Variants in SPOP observed in about 807,000 individuals in gnomAD.
The protein encoded by SPOP is speckle-type POZ protein.
A neutral mutation model predicts 45.6 loss-of-function variants in SPOP; 11 were observed. The ratio of observed to expected loss-of-function variants is 0.24; its 90% CI spans 0.15 to 0.40. The LOEUF (loss-of-function observed/expected upper bound fraction) is 0.40, where lower values mean the gene tolerates loss of function less well. SPOP is among the 10% of genes least tolerant of loss of function. The pLI is 1.00. For synonymous variants in SPOP, 166 were observed against 166.3 expected, an observed-to-expected ratio of 1.00 and a Z score of 0.01; for missense variants, 152 against 465.6, an observed-to-expected ratio of 0.33 and a Z score of 6.20.
At chr17:49,645,355 A>T (rs993585641) in intron 1 of SPOP, among the ~76,000 whole-genome samples, 3 of 151,662 alleles carry the variant, frequency 2.0e-5, no homozygotes, top group South Asian at 2.1e-4. Flanking sequence ...GCTGGAGTAC[A>T]GTGATTCGAT....
At chr17:49,612,978 A>T (rs2072007099) in intron 5 of SPOP, 1 of 152,246 alleles carries the variant, frequency 6.6e-6, no homozygotes, top group Non-Finnish European at 1.5e-5. Context: ...CAGGTCAAGA[A>T]ATTTATTCAT....
intron 1 of SPOP, among the ~76,000 whole-genome samples, chr17:49,660,501 G>T (rs1281862135): frequency 3.3e-5 from 5 of 151,846 alleles, no homozygotes; most frequent in Non-Finnish European, 7.4e-5. Context: ...TATTTATCTT[G>T]TTTGCTGCCT....
intron 6 of SPOP, among the ~76,000 whole-genome samples, chr17:49,609,335 T>C (rs1567771870): frequency 1.3e-5 from 2 of 152,176 alleles, no homozygotes; most frequent in Admixed American, 1.3e-4. Context: ...TTACAGACCA[T>C]AGAGAACTAA....
Position 49,619,011 on chromosome 17 carries a change from G to C in SPOP, c.450C>G (p.Leu150=), listed in dbSNP as rs1441922674. 6.2e-7 allele frequency: 1 copy of C among 1,614,080 alleles called. No individual in the cohort carries two copies. Among genetic ancestry groups the C allele is most frequent in the East Asian group, 2.2e-5 (1 of 44,888 alleles). The change falls in exon 5 of 10, where the codon CTC becomes CTG. Residue 150 remains leucine (L), a synonymous_variant. Transcript: ENST00000504102. This position sits in a 1 kb window ranked among gnomAD's most constrained non-coding sequence, Gnocchi z 4.9. The stretch of plus-strand genomic sequence containing the variant: ...AGAAGAGGGTAAGCTTGTCATCAGG[G>C]AGAAGCCCGTTGGCCTCATCCAAAA... ...DFLLDEANGL[L]PDDKLTLFCE...
rs1436380449 is a variant in SPOP at position 49,600,181 on chromosome 17, T to G, written c.*197A>C. 1.8e-5 allele frequency: 13 copies of G among 717,806 alleles called. No homozygotes were observed. Among genetic ancestry groups the G allele is most frequent in the Non-Finnish European group, 2.8e-5 (12 of 429,740 alleles). 44.5% of individuals were successfully genotyped at this position (717,806 alleles called of 1,614,324 possible). On this transcript the variant is annotated 3_prime_UTR_variant, in exon 10 of 10. Transcript: ENST00000504102. The surrounding 1 kb of genome is among the most constrained non-coding windows in gnomAD (Gnocchi z 4.2). Reference sequence around the variant, plus strand: ...GGAACACAGTGACGCAGCAACAGGGTTTTCATTTCATTTTCCCTCCCCCCG... The same window carrying G: ...GGAACACAGTGACGCAGCAACAGGGGTTTCATTTCATTTTCCCTCCCCCCG...
chr17:49,641,753 G>A (rs1410746138), intron 1 of SPOP, among the ~76,000 whole-genome samples: 2 of 152,126 alleles, frequency 1.3e-5, no homozygotes, highest in Non-Finnish European at 2.9e-5. Flanking sequence ...CAGGCACGGT[G>A]GCTCACGCCT....
chr17:49,629,914 C>A (rs2072417922), intron 1 of SPOP, among the ~76,000 whole-genome samples: 1 of 152,108 alleles, frequency 6.6e-6, no homozygotes, highest in Non-Finnish European at 1.5e-5. Context: ...TAGATTGAAT[C>A]ATGAAACTGT....
chr17:49,621,349 G>A (rs1410063159), intron 3 of SPOP, among the ~76,000 whole-genome samples: 8 of 152,212 alleles, frequency 5.3e-5, no homozygotes. Context: ...CAAGAGCGTG[G>A]AGAACAGGGC....
In SPOP at chr17:49,611,304, G is replaced by A; in HGVS notation, c.634C>T (p.Gln212Ter). ...CCTGCTAAGATAGCCTTGTGAGCCT[G>A]GAATTCCTGGCCGGCAACACACAAG... is the stretch of plus-strand genomic sequence containing the variant. Reference protein sequence around the residue: ...CCLCVAGQEFQAHKAILAARS... With the variant: ...CCLCVAGQEF Residue 212 changes from glutamine to a stop codon, truncating the protein, a stop_gained, in exon 6 of 10, where the codon CAG (glutamine) becomes TAG (stop). Coordinates refer to ENST00000504102, the MANE Select transcript of SPOP (RefSeq NM_001007228.2). LOFTEE classifies it high-confidence loss of function. 6.2e-7 allele frequency: 1 copy of A among 1,614,074 alleles called. No individual in the cohort carries two copies. The highest frequency in any genetic ancestry group is 8.5e-7 in the Non-Finnish European group (1 of 1,179,978).
intron 5 of SPOP, chr17:49,618,669 G>T (rs538791001): frequency 2.4e-5 from 11 of 458,726 alleles, no homozygotes; most frequent in Admixed American, 6.1e-5. Context: ...AGCTTGATGT[G>T]ACAGTCCTTT....
intron 5 of SPOP, among the ~76,000 whole-genome samples, chr17:49,614,802 AGTGT>A (rs60134980): frequency 0.27 from 39,332 of 146,786 alleles, 5,426 homozygotes; most frequent in East Asian, 0.52. Flanking sequence ...CATGCTATGA[AGTGT>A]GTGTGTGTGT....
intron 1 of SPOP, among the ~76,000 whole-genome samples, chr17:49,659,489 C>T (rs762262526): frequency 3.3e-5 from 5 of 152,180 alleles, no homozygotes; most frequent in Admixed American, 6.5e-5. Flanking sequence ...CACACAGGCT[C>T]CTCAGTCCTT....
At chr17:49,675,188 C>T (rs180989558) in intron 1 of SPOP, among the ~76,000 whole-genome samples, 1 of 152,162 alleles carries the variant, frequency 6.6e-6, no homozygotes, top group African/African-American at 2.4e-5. Context: ...AGAATAAGTA[C>T]ATACAAGGAA....
At chr17:49,605,939 G>A (rs2071834184) in intron 8 of SPOP, among the ~76,000 whole-genome samples, 1 of 151,100 alleles carries the variant, frequency 6.6e-6, no homozygotes, top group Non-Finnish European at 1.5e-5. Context: ...AGTGAGCCGA[G>A]ATCGTGCCAT....
chr17:49,622,147 C>CCCCT, intron 2 of SPOP, 80 bp from the exon 3 acceptor site: 1 of 1,519,210 alleles, frequency 6.6e-7, no homozygotes, highest in Non-Finnish European at 9.0e-7. Context: ...ATTATCATTT[C>CCCCT]CCCTCCCTCC....
chr17:49,602,416 G>A (rs2071757493), intron 8 of SPOP: 1 of 163,788 alleles, frequency 6.1e-6, no homozygotes, highest in South Asian at 1.7e-4. Flanking sequence ...AGGCCCTGCG[G>A]TCTGTGGAAA....
At chr17:49,675,163 G>A (rs944901911) in intron 1 of SPOP, among the ~76,000 whole-genome samples, 6 of 152,204 alleles carry the variant, frequency 3.9e-5, no homozygotes, top group Admixed American at 3.3e-4. Context: ...TAAACCAACA[G>A]ACACCCATGT....
chr17:49,648,126 A>C (rs1030120531), intron 1 of SPOP, among the ~76,000 whole-genome samples: 2 of 152,074 alleles, frequency 1.3e-5, no homozygotes, highest in Non-Finnish European at 2.9e-5. Flanking sequence ...ATATTTATCC[A>C]TTTTTGTCCA....
chr17:49,614,752 TAG>T (rs1363041977), intron 5 of SPOP, among the ~76,000 whole-genome samples: 2 of 152,050 alleles, frequency 1.3e-5, no homozygotes, highest in African/African-American at 4.8e-5. Flanking sequence ...TAAAAATGAA[TAG>T]ATTCATTTAT....
Sources: allele counts gnomAD v4.1 joint callset (sites outside exome capture counted in the v4.1 genomes callset), GRCh38; gene constraint gnomAD v4.1.1; non-coding constraint Gnocchi (gnomAD v3.1); transcripts MANE v1.5; gene names NCBI Gene and HGNC (gene_info 2026-07-23, HGNC 2026-07-21).